NMI: variants seen among roughly 807,000 people sequenced by gnomAD.
NMI encodes N-myc and STAT interactor.
NMI carries 39 observed loss-of-function variants against 34.3 expected under a neutral mutation model. The observed-to-expected ratio is 1.14, with a 90% CI of 0.88 to 1.49. The LOEUF (loss-of-function observed/expected upper bound fraction) is 1.49. Ranked by LOEUF, NMI falls within the 40% of genes most tolerant of loss-of-function variation. The pLI, the probability that NMI is intolerant of heterozygous loss-of-function variation, is 0.00. For missense variants in NMI, 339 were observed against 358.1 expected (o/e 0.95, Z 0.43); for synonymous variants, 113 against 120.3 (o/e 0.94, Z 0.40).
At chr2:151,289,412 C>G (rs1427437243) in intron 1 of NMI, among the ~76,000 whole-genome samples, 181 bp downstream of exon 1, 1 of 152,218 alleles carries the variant, frequency 6.6e-6, no homozygotes, top group Non-Finnish European at 1.5e-5. Context: ...TGCGCCCCCT[C>G]GAAGGCGGCG....
At chr2:151,274,185 A>G (rs1573741931) in intron 6 of NMI, among the ~76,000 whole-genome samples, 1 of 151,474 alleles carries the variant, frequency 6.6e-6, no homozygotes, top group Admixed American at 6.6e-5. Context: ...TCTACCAAAA[A>G]TACAAAAATT....
intron 7 of NMI, among the ~76,000 whole-genome samples, chr2:151,271,299 G>C (rs1426968298): frequency 1.3e-5 from 2 of 152,186 alleles, no homozygotes; most frequent in African/African-American, 4.8e-5. Context: ...AATGAGTTCA[G>C]AGAAAGTAGG....
intron 3 of NMI, among the ~76,000 whole-genome samples, chr2:151,280,890 TGGAG>T (rs1683388256): frequency 1.3e-5 from 2 of 151,998 alleles, no homozygotes; most frequent in South Asian, 4.1e-4. Context: ...TCGCCCAGGC[TGGAG>T]CACAGTGGTG....
rs1370436136 is a variant in NMI, at chr2:151,271,695, A to T, written c.672T>A (p.Leu224=). The change falls in exon 7 of 8, where the codon CTT becomes CTA. Residue 224 remains leucine (L), a synonymous_variant. Transcript: ENST00000243346. ...DKILKKKEYP[L]YINQTCHRVT... is the part of the protein sequence containing the mutation. The stretch of plus-strand genomic sequence containing the variant: ...CTCTATGGCAGGTTTGATTTATATA[A>T]AGAGGGTATTCTTTCTTTTTCAAAA... 3 of 1,582,756 alleles carry T rather than the reference A, an allele frequency of 1.9e-6. No individual in the cohort carries two copies. Among genetic ancestry groups the T allele is most frequent in the Non-Finnish European group, 2.6e-6 (3 of 1,154,074 alleles).
chr2:151,276,774 G>A (rs1402254235), intron 4 of NMI, among the ~76,000 whole-genome samples: 20 of 152,180 alleles, frequency 1.3e-4, no homozygotes, highest in Admixed American at 1.3e-3. Flanking sequence ...ACATCAAAGA[G>A]TGAGTCTTTT....
intron 4 of NMI, 197 bp downstream of exon 4, chr2:151,278,631 A>C: frequency 1.9e-6 from 1 of 525,678 alleles, no homozygotes; most frequent in Non-Finnish European, 3.4e-6. Flanking sequence ...GGCTTTCTGA[A>C]TACAAGATCA....
At chr2:151,277,864 TAAATA>T (rs930337949) in intron 4 of NMI, 3 of 152,100 alleles carry the variant, frequency 2.0e-5, no homozygotes, top group Non-Finnish European at 4.4e-5. Context: ...CCACATAACT[TAAATA>T]AAAGAACAAA....
At chr2:151,285,963 G>A (rs930607489) in intron 1 of NMI, among the ~76,000 whole-genome samples, 3 of 152,122 alleles carry the variant, frequency 2.0e-5, no homozygotes, top group Non-Finnish European at 4.4e-5. Context: ...ATACATAATG[G>A]TAGTAATGAT....
At position 151,270,496 on chromosome 2, in the gene NMI, C is replaced by T. The variant is rs1319117805; in HGVS notation, c.*197G>A. ...ATAAACAAAACTTTTTATTACAGTG[C>T]ACTTATTGTAGTTGAAAACATGCAG... On this transcript the variant is annotated 3_prime_UTR_variant, in exon 8 of 8. Transcript: ENST00000243346. 16 of 557,140 alleles carry T rather than the reference C, an allele frequency of 2.9e-5. No homozygotes were observed. Among genetic ancestry groups the T allele is most frequent in the Admixed American group, 3.4e-5 (1 of 29,332 alleles). The allele number at this position is 557,140 out of a possible 1,614,324, so 34.5% of individuals were successfully genotyped here. A position where few individuals can be genotyped will look rare whatever the true frequency, so the allele number is the denominator to read the frequency against.
At chr2:151,280,078 C>A (rs1220611934) in intron 3 of NMI, among the ~76,000 whole-genome samples, 1 of 151,652 alleles carries the variant, frequency 6.6e-6, no homozygotes, top group Non-Finnish European at 1.5e-5. Context: ...GCCTGTAATC[C>A]TGGCTATTCA....
chr2:151,283,180 G>A (rs559034082), intron 1 of NMI, among the ~76,000 whole-genome samples: 18 of 149,860 alleles, frequency 1.2e-4, no homozygotes, highest in South Asian at 2.1e-4. Flanking sequence ...TCTCTCTGTC[G>A]CCCAGGCTGG....
In NMI at chr2:151,275,550, C is replaced by T. The variant is rs532914308; in HGVS notation, c.568G>A (p.Glu190Lys). The T allele has an allele frequency of 6.2e-7, 1 of 1,614,210 alleles. No individual in the cohort carries two copies. The highest frequency in any genetic ancestry group is 1.3e-5 in the African/African-American group (1 of 75,068). The change falls in exon 6 of 8, where the codon GAG (glutamate) becomes AAG (lysine). Residue 190 changes from glutamate to lysine, a missense_variant. Transcript: ENST00000243346. ...SFSKSRNGGG[E>K]VDRVDYDRQS... is the part of the protein sequence containing the mutation. ...CTGTCATAGTCCACGCGGTCCACCT[C>T]TCCGCCTCCATTTCGGGACTTTGAA...
intron 1 of NMI, among the ~76,000 whole-genome samples, chr2:151,285,962 G>T (rs1414244319): frequency 6.6e-6 from 1 of 152,036 alleles, no homozygotes; most frequent in African/African-American, 2.4e-5. Flanking sequence ...AATACATAAT[G>T]GTAGTAATGA....
intron 1 of NMI, among the ~76,000 whole-genome samples, chr2:151,287,856 T>C (rs74883997): frequency 0.014 from 2,192 of 152,326 alleles, 69 homozygotes; most frequent in African/African-American, 0.05. Flanking sequence ...GACTTAAGTA[T>C]TTGTTGTACT....
Position 151,275,501 on chromosome 2 carries a change from G to A in NMI, c.617C>T (p.Thr206Met), listed in dbSNP as rs199573903. The change falls in exon 6 of 8, where the codon ACG becomes ATG. Residue 206 changes from threonine to methionine, a missense_variant. Physicochemically the swap from Thr to Met is moderately conservative, Grantham distance 81 (BLOSUM62 -1). Coordinates refer to ENST00000243346, the MANE Select transcript of NMI (RefSeq NM_004688.3). Reference sequence around the variant, plus strand: ...TTGAGTACCTCCAATCTCCACAAACGTGATGACTGCACTCCCGGACTGTCT... The same window carrying A: ...TTGAGTACCTCCAATCTCCACAAACATGATGACTGCACTCCCGGACTGTCT... ...YDRQSGSAVI[T>M]FVEIGVADKI... 102 of 1,613,796 alleles carry A rather than the reference G, an allele frequency of 6.3e-5. No homozygotes were observed. The Admixed American group carries it at 9.7e-4, about 15-fold the overall frequency.
intron 6 of NMI, among the ~76,000 whole-genome samples, chr2:151,272,314 C>T (rs1683203465): frequency 1.3e-5 from 2 of 152,104 alleles, no homozygotes; most frequent in Non-Finnish European, 2.9e-5. Flanking sequence ...TGTGTCAAGA[C>T]TGTAACATTT....
intron 1 of NMI, among the ~76,000 whole-genome samples, chr2:151,287,022 C>T (rs1683512168): frequency 6.6e-6 from 1 of 152,152 alleles, no homozygotes; most frequent in African/African-American, 2.4e-5. Context: ...ATCAGGACAA[C>T]TGGTGAAATT....
intron 1 of NMI, among the ~76,000 whole-genome samples, chr2:151,288,079 T>TTC (rs1161148514): frequency 1.3e-5 from 2 of 152,196 alleles, no homozygotes; most frequent in African/African-American, 2.4e-5. Context: ...TATGCATGAG[T>TTC]GGGATGTATG....
chr2:151,271,012 G>A, intron 7 of NMI, 137 bp from the exon 8 acceptor site: 1 of 729,528 alleles, frequency 1.4e-6, no homozygotes. Context: ...TTCCAAGCAA[G>A]AGAATATCCA....
Sources: gnomAD v4.1 joint callset for allele counts (sites outside exome capture counted in the v4.1 genomes callset) on GRCh38, gnomAD v4.1.1 for gene constraint, MANE v1.5 for transcripts, NCBI Gene and HGNC (gene_info 2026-07-23, HGNC 2026-07-21) for gene names.